The following PTCHD1 variants were observed in gnomAD, a reference collection of about 807,000 sequenced individuals.
The protein encoded by PTCHD1 is patched domain-containing protein 1.
A neutral mutation model predicts 34.6 loss-of-function variants in PTCHD1; 3 were observed. The observed-to-expected ratio is 0.09, with a 90% CI of 0.04 to 0.22. PTCHD1 has a LOEUF of 0.22. Ranked by LOEUF, PTCHD1 falls within the 10% of genes least tolerant of loss-of-function variation. The pLI is 1.00. For missense variants in PTCHD1, 504 were observed against 685.5 expected (o/e 0.74, Z 2.96); for synonymous variants, 305 against 283.1 (o/e 1.08, Z -0.77).
At chrX:23,360,811 C>G (rs144900236) in intron 1 of PTCHD1, among the ~76,000 whole-genome samples, 1 of 112,317 alleles carries the variant, frequency 8.9e-6, no homozygotes, top group African/African-American at 3.2e-5. Context: ...CCTCTACACC[C>G]TACTTTAAAT....
At chrX:23,343,798 A>G (rs749863064) in intron 1 of PTCHD1, among the ~76,000 whole-genome samples, 2 of 112,491 alleles carry the variant, frequency 1.8e-5, no homozygotes, top group Non-Finnish European at 3.8e-5. Context: ...TGTCACTAAT[A>G]CCATGGCTTT....
At chrX:23,377,332 A>T (rs1922436022) in intron 1 of PTCHD1, among the ~76,000 whole-genome samples, 1 of 110,986 alleles carries the variant, frequency 9.0e-6, no homozygotes, top group Non-Finnish European at 1.9e-5. Context: ...GCTTATCAAA[A>T]CTCTCTCTTG....
chrX:23,348,998 C>T (rs1249326020), intron 1 of PTCHD1, among the ~76,000 whole-genome samples: 1 of 111,332 alleles, frequency 9.0e-6, no homozygotes, highest in Non-Finnish European at 1.9e-5. Context: ...TGAATGGCAG[C>T]CATGTCACAA....
Position 23,392,511 on chromosome X carries a change from G to A in PTCHD1, c.1013-20G>A. 1 of 1,057,322 alleles carries A rather than the reference G, an allele frequency of 9.5e-7. No homozygotes were observed. The highest frequency in any genetic ancestry group is 1.3e-6 in the Non-Finnish European group (1 of 755,144). 87.1% of individuals were successfully genotyped at this position (1,057,322 alleles called of 1,213,427 possible). ...ATTAGTTCTTTAAACTTCTGCTCTG[G>A]TCTTTTTCTGCCCTCTTAGGTCATG... On this transcript the variant is annotated intron_variant, in intron 2 of 2. Transcript: ENST00000379361.
chrX:23,353,621 A>C (rs111711011), intron 1 of PTCHD1, among the ~76,000 whole-genome samples: 9,665 of 109,022 alleles, frequency 0.089, 334 homozygotes, highest in South Asian at 0.12. Context: ...AAAAAAAAAA[A>C]CGTAAGCTAA....
rs749282083 is a variant in PTCHD1, at chrX:23,394,105, G to A, written c.2587G>A (p.Glu863Lys). 1 of 1,210,182 alleles carries A rather than the reference G, an allele frequency of 8.3e-7. No homozygotes were observed. Among genetic ancestry groups the A allele is most frequent in the South Asian group, 1.8e-5 (1 of 56,872 alleles). The change falls in exon 3 of 3, where the codon GAG (glutamate) becomes AAG (lysine). Residue 863 changes from glutamate (E) to lysine (K), a missense_variant. Glu to Lys is a moderately conservative substitution (Grantham distance 56). Transcript: ENST00000379361. ...AAAAAGGAAAGAGAAGAAAAATCCT[G>A]AGAACCGGGAGGAAATTGAGTGTGT... ...KKKRKEKKNP[E>K]NREEIECVEM...
intron 1 of PTCHD1, among the ~76,000 whole-genome samples, chrX:23,345,761 T>C (rs1200540787): frequency 3.6e-5 from 4 of 111,770 alleles, no homozygotes; most frequent in African/African-American, 6.5e-5. Context: ...AAATGCAGTC[T>C]CTCTCTGTGG....
chrX:23,339,290 C>A (rs1386581128), intron 1 of PTCHD1, among the ~76,000 whole-genome samples: 1 of 112,141 alleles, frequency 8.9e-6, no homozygotes, highest in Admixed American at 9.5e-5. Flanking sequence ...TCATTCTTCC[C>A]TCCTTGATAA....
At chrX:23,346,172 C>A (rs1327681328) in intron 1 of PTCHD1, among the ~76,000 whole-genome samples, 1 of 112,256 alleles carries the variant, frequency 8.9e-6, no homozygotes, top group Non-Finnish European at 1.9e-5. Context: ...ACAGCAGGCA[C>A]AAATAGGAGC....
At chrX:23,374,280 C>CAAAAAAAA (rs752214252) in intron 1 of PTCHD1, among the ~76,000 whole-genome samples, 2 of 24,546 alleles carry the variant, frequency 8.1e-5, no homozygotes, top group Non-Finnish European at 1.7e-4. Flanking sequence ...GAAACAAATA[C>CAAAAAAAA]AAAAAAAAAA....
intron 1 of PTCHD1, among the ~76,000 whole-genome samples, chrX:23,370,843 G>T (rs142015311): frequency 0.028 from 3,126 of 111,304 alleles, 104 homozygotes; most frequent in African/African-American, 0.095. Context: ...AAGTTAAAAC[G>T]ACGGGAATGA....
At chrX:23,382,788 C>A (rs1922599215) in intron 2 of PTCHD1, among the ~76,000 whole-genome samples, 1 of 112,396 alleles carries the variant, frequency 8.9e-6, no homozygotes, top group Non-Finnish European at 1.9e-5. Context: ...CCAAAGAGTT[C>A]TCAAATTACT....
chrX:23,390,013 C>G (rs963255637), intron 2 of PTCHD1, among the ~76,000 whole-genome samples: 1 of 111,789 alleles, frequency 8.9e-6, no homozygotes. Flanking sequence ...CAATTAGCTT[C>G]TAAGATTATT....
intron 1 of PTCHD1, among the ~76,000 whole-genome samples, chrX:23,339,151 T>C (rs1190119572): frequency 8.9e-6 from 1 of 112,110 alleles, no homozygotes; most frequent in African/African-American, 3.2e-5. Context: ...CCCTCCCTAG[T>C]TTACTCAGAC....
intron 1 of PTCHD1, among the ~76,000 whole-genome samples, chrX:23,354,714 A>C (rs947153736): frequency 3.7e-5 from 4 of 107,529 alleles, no homozygotes; most frequent in African/African-American, 1.4e-4. Flanking sequence ...CTGCGACTAC[A>C]GGCGCCTGCC....
chrX:23,343,084 C>T (rs1480182355), intron 1 of PTCHD1, among the ~76,000 whole-genome samples: 1 of 112,365 alleles, frequency 8.9e-6, no homozygotes, highest in African/African-American at 3.2e-5. Context: ...TGGTTTATAG[C>T]TTGTAAGATG....
At position 23,365,548 on chromosome X, in the gene PTCHD1, C is replaced by T. The variant is rs189795646; in HGVS notation, c.352-14043C>T. ...AAAGGGCATATAATTAAGCAGGCCA[C>T]TTCTGTGGGCAACTAGAGCACAGTC... On this transcript the variant is annotated intron_variant, in intron 1 of 2. Coordinates refer to ENST00000379361, the MANE Select transcript of PTCHD1 (RefSeq NM_173495.3). 2.4e-3 allele frequency among the ~76,000 whole-genome samples: 270 copies of T among 111,416 alleles called. 1 individual carries two copies. Among genetic ancestry groups the T allele is most frequent in the African/African-American group, 8.5e-3 (261 of 30,672 alleles).
intron 1 of PTCHD1, among the ~76,000 whole-genome samples, chrX:23,356,976 C>T (rs764523668): frequency 8.9e-6 from 1 of 111,834 alleles, no homozygotes; most frequent in East Asian, 2.8e-4. Flanking sequence ...ATAGTAATCC[C>T]ATTTTGATGC....
In PTCHD1 at chrX:23,393,009, C is replaced by A. The variant is rs35880456; in HGVS notation, c.1491C>A (p.Asn497Lys). Residue 497 changes from asparagine to lysine, a missense_variant, in exon 3 of 3, where the codon AAC (asparagine) becomes AAA (lysine). Asn to Lys is a moderately conservative substitution (Grantham distance 94). Transcript: ENST00000379361. ...LKRYYCDWITNTYVKPFVVLF... is the reference protein window; with the variant it reads ...LKRYYCDWITKTYVKPFVVLF... ...GCTATTACTGTGACTGGATAACCAA[C>A]ACCTATGTCAAGCCTTTTGTAGTTC... The A allele has an allele frequency of 5.5e-5, 67 of 1,209,582 alleles. No individual in the cohort carries two copies. The highest frequency in any genetic ancestry group is 6.6e-5 in the Non-Finnish European group (59 of 894,443).
Sources: gnomAD v4.1 joint callset for allele counts (sites outside exome capture counted in the v4.1 genomes callset) on GRCh38, gnomAD v4.1.1 for gene constraint, MANE v1.5 for transcripts, NCBI Gene and HGNC (gene_info 2026-07-23, HGNC 2026-07-21) for gene names.